Variants in RNLS observed in about 807,000 individuals in gnomAD.
RNLS encodes renalase, FAD dependent amine oxidase.
Under a neutral mutation model 39.8 loss-of-function variants are expected in RNLS, and 39 were observed. The ratio of observed to expected loss-of-function variants is 0.98; its 90% confidence interval spans 0.76 to 1.28. The LOEUF is 1.28. Among genes scored for constraint, RNLS ranks in the 50% most tolerant of loss-of-function variants. The pLI, the probability that RNLS is intolerant of heterozygous loss-of-function variation, is 0.00. For missense variants in RNLS, 410 were observed against 413.3 expected, an observed-to-expected ratio of 0.99 and a Z score of 0.07; for synonymous variants, 147 against 150.7, an observed-to-expected ratio of 0.98 and a Z score of 0.18.
At chr10:88,425,579 T>C (rs1020326004) in intron 4 of RNLS, among the ~76,000 whole-genome samples, 2 of 152,090 alleles carry the variant, frequency 1.3e-5, no homozygotes, top group Admixed American at 1.3e-4. Flanking sequence ...TTAACAATGA[T>C]TTATTGGGTA....
At chr10:88,463,212 A>C (rs1843024017) in intron 4 of RNLS, among the ~76,000 whole-genome samples, 1 of 152,078 alleles carries the variant, frequency 6.6e-6, no homozygotes, top group African/African-American at 2.4e-5. Context: ...AGGTGAGGTC[A>C]TACTAGAGTA....
chr10:88,552,890 A>T (rs940852105), intron 4 of RNLS, among the ~76,000 whole-genome samples: 6 of 152,240 alleles, frequency 3.9e-5, no homozygotes, highest in Non-Finnish European at 7.3e-5. Context: ...CCTATGACTT[A>T]AAGTCATGAT....
At chr10:88,414,145 T>C (rs1487734318) in intron 4 of RNLS, among the ~76,000 whole-genome samples, 2 of 152,180 alleles carry the variant, frequency 1.3e-5, no homozygotes, top group Non-Finnish European at 1.5e-5. Flanking sequence ...ATTCTGAATC[T>C]ATGTGGTCTT....
At chr10:88,503,466 G>A (rs539650016) in intron 4 of RNLS, among the ~76,000 whole-genome samples, 27 of 152,190 alleles carry the variant, frequency 1.8e-4, no homozygotes, top group African/African-American at 6.0e-4. Context: ...ACAGAAAGAT[G>A]TAAGACAAAC....
the RNLS span, among the ~76,000 whole-genome samples, chr10:88,176,373 A>G: frequency 2.6e-5 from 4 of 151,924 alleles, no homozygotes; most frequent in African/African-American, 7.3e-5. Flanking sequence ...ATGGGGTTTC[A>G]CCATTTTGGC....
At chr10:88,403,115 A>G (rs1293299127) in intron 4 of RNLS, among the ~76,000 whole-genome samples, 2 of 152,082 alleles carry the variant, frequency 1.3e-5, no homozygotes, top group African/African-American at 4.8e-5. Context: ...CACAGAAACC[A>G]TACAGGGCAA....
intron 5 of RNLS, among the ~76,000 whole-genome samples, chr10:88,352,411 G>C (rs1036142608): frequency 2.2e-4 from 33 of 152,202 alleles, no homozygotes; most frequent in South Asian, 6.2e-4. Context: ...TAGCATGAAG[G>C]GTTGTTGAAT....
At chr10:88,388,518 T>C (rs1331835086) in intron 4 of RNLS, among the ~76,000 whole-genome samples, 1 of 152,128 alleles carries the variant, frequency 6.6e-6, no homozygotes, top group African/African-American at 2.4e-5. Context: ...TCCTTTTTGT[T>C]ATCAGAACAC....
chr10:88,459,585 G>A (rs764796684), intron 4 of RNLS, among the ~76,000 whole-genome samples: 1 of 152,112 alleles, frequency 6.6e-6, no homozygotes, highest in Non-Finnish European at 1.5e-5. Flanking sequence ...AGAGCCCCAG[G>A]ACACCGTTAA....
chr10:88,509,928 T>C (rs1047874053), intron 4 of RNLS, among the ~76,000 whole-genome samples: 8 of 152,204 alleles, frequency 5.3e-5, no homozygotes, highest in Admixed American at 2.0e-4. Context: ...TCTGCCAAGA[T>C]GACTTATCAA....
intron 4 of RNLS, among the ~76,000 whole-genome samples, chr10:88,412,867 T>C (rs1423347645): frequency 1.3e-5 from 2 of 152,214 alleles, no homozygotes; most frequent in Admixed American, 1.3e-4. Context: ...AAATAGCAGA[T>C]GCTCCCTAAA....
chr10:88,317,920 C>T (rs1184318313), intron 5 of RNLS, among the ~76,000 whole-genome samples: 1 of 152,212 alleles, frequency 6.6e-6, no homozygotes, highest in Non-Finnish European at 1.5e-5. Flanking sequence ...TCCCTTCACC[C>T]CTGCAACAAT....
At chr10:88,560,727 C>T (rs537472851) in intron 4 of RNLS, among the ~76,000 whole-genome samples, 1 of 152,034 alleles carries the variant, frequency 6.6e-6, no homozygotes, top group South Asian at 2.1e-4. Context: ...GTAGGGCTGC[C>T]TATAAGGAGG....
At chr10:88,187,199 A>AT in the RNLS span, among the ~76,000 whole-genome samples, 1 of 7,150 alleles carries the variant, frequency 1.4e-4, no homozygotes, top group Admixed American at 1.1e-3. Flanking sequence ...TATATATAAT[A>AT]TATATATAAT....
chr10:88,315,054 ACC>A (rs1845655758), intron 5 of RNLS, among the ~76,000 whole-genome samples: 1 of 152,204 alleles, frequency 6.6e-6, no homozygotes, highest in Non-Finnish European at 1.5e-5. Context: ...TTCAATAAAT[ACC>A]TGTCTCATTC....
intron 5 of RNLS, among the ~76,000 whole-genome samples, chr10:88,315,790 T>C (rs969881122): frequency 6.6e-6 from 1 of 151,782 alleles, no homozygotes; most frequent in East Asian, 1.9e-4. Flanking sequence ...TTTTTTTTTT[T>C]AATGAGAATA....
At chr10:88,201,351 G>A in the RNLS span, among the ~76,000 whole-genome samples, 3 of 152,164 alleles carry the variant, frequency 2.0e-5, no homozygotes, top group Non-Finnish European at 4.4e-5. Flanking sequence ...TTGATGAACA[G>A]AAGAGAGTGA....
chr10:88,373,371 C>T (rs1312475977), intron 4 of RNLS, among the ~76,000 whole-genome samples: 1 of 152,062 alleles, frequency 6.6e-6, no homozygotes, highest in African/African-American at 2.4e-5. Context: ...TTTGCAGATC[C>T]ACTAGCTTCT....
the RNLS span, among the ~76,000 whole-genome samples, chr10:88,193,245 C>T: frequency 1.3e-5 from 2 of 152,108 alleles, no homozygotes; most frequent in Admixed American, 1.3e-4. Context: ...ACCCACAGAG[C>T]GAGTGTGTGC....
Sources: allele counts gnomAD v4.1 joint callset (sites outside exome capture counted in the v4.1 genomes callset), GRCh38; gene constraint gnomAD v4.1.1; transcripts MANE v1.5; gene names NCBI Gene and HGNC (gene_info 2026-07-23, HGNC 2026-07-21).